The following NR2F6 variants were observed in gnomAD, a reference collection of about 807,000 sequenced individuals.
NR2F6 encodes ERBA-related gene-2.
In NR2F6, 16 loss-of-function variants were observed where a neutral mutation model predicts 26.5. The ratio of observed to expected loss-of-function variants is 0.60; its 90% CI spans 0.41 to 0.92. The LOEUF is 0.92. NR2F6 is among the 40% of genes least tolerant of loss of function. NR2F6 has a pLI of 0.00. For synonymous variants in NR2F6, 325 were observed against 305.0 expected (o/e 1.07, Z -0.68); for missense variants, 536 against 631.7 (o/e 0.85, Z 1.62).
At position 17,245,319 on chromosome 19, in the gene NR2F6, G is replaced by A. The variant is rs1404059975; in HGVS notation, c.-99C>T. On this transcript the variant is annotated 5_prime_UTR_variant, in exon 1 of 4. Coordinates refer to ENST00000291442, the MANE Select transcript of NR2F6 (RefSeq NM_005234.4). This position sits in a 1 kb window ranked among gnomAD's most constrained non-coding sequence, Gnocchi z 5.0. The stretch of plus-strand genomic sequence containing the variant: ...CCTACGCGGCGCGCATTCGGCCCCG[G>A]CGCGCGGGGGGCACGGGCTGCACCC... 2.9e-6 allele frequency: 3 copies of A among 1,044,766 alleles called. No individual in the cohort carries two copies. The highest frequency in any genetic ancestry group is 3.6e-6 in the Non-Finnish European group (3 of 835,836). 64.7% of individuals were successfully genotyped at this position (1,044,766 alleles called of 1,614,324 possible).
intron 2 of NR2F6, among the ~76,000 whole-genome samples, chr19:17,237,365 C>T (rs2073444728): frequency 1.3e-5 from 2 of 151,700 alleles, no homozygotes; most frequent in African/African-American, 4.8e-5. Context: ...TTTTTCCCTC[C>T]CTCCCTCCCT....
intron 2 of NR2F6, among the ~76,000 whole-genome samples, chr19:17,239,429 G>A (rs932342592): frequency 2.0e-5 from 3 of 152,252 alleles, no homozygotes; most frequent in East Asian, 1.9e-4. Context: ...GGCTGAGGCA[G>A]GCAGATCACG....
At position 17,245,129 on chromosome 19, in the gene NR2F6, T is replaced by G. The variant is rs2145570666; in HGVS notation, c.92A>C (p.Asp31Ala). 1 of 1,518,208 alleles carries G rather than the reference T, an allele frequency of 6.6e-7. No individual in the cohort carries two copies. Among genetic ancestry groups the G allele is most frequent in the Non-Finnish European group, 8.8e-7 (1 of 1,135,352 alleles). The allele number at this position is 1,518,208 out of a possible 1,614,324, so 94.0% of individuals were successfully genotyped here. Residue 31 changes from aspartate (D) to alanine (A), a missense_variant, in exon 1 of 4, where the codon GAC becomes GCC. Transcript: ENST00000291442. This position sits in a 1 kb window ranked among gnomAD's most constrained non-coding sequence, Gnocchi z 5.0. ...GGCGGCACCGGGGGGCGAGGCCGAG[T>G]CGTCCTCGGCCGCGCGCGGGTAGCC... is the stretch of plus-strand genomic sequence containing the variant. ...AGGYPRAAED[D>A]SASPPGAASD...
chr19:17,233,507 A>AT lies in NR2F6; in HGVS notation c.941-882dup, dbSNP rs1042353886. The stretch of plus-strand genomic sequence containing the variant: ...GCCTTTGGCAGGGAGACAGGTTCTA[A>AT]TTTTTTTTTCTTTAAGATAGAGTCT... On this transcript the variant is annotated intron_variant, in intron 3 of 3. Transcript: ENST00000291442. 4.6e-5 allele frequency among the ~76,000 whole-genome samples: 7 copies of AT among 151,372 alleles called. No individual in the cohort carries two copies. In the South Asian group the frequency reaches 8.4e-4, roughly 18 times the overall value.
At chr19:17,240,830 G>A in intron 1 of NR2F6, 65 bp from the exon 2 acceptor site, 1 of 1,531,614 alleles carries the variant, frequency 6.5e-7, no homozygotes, top group African/African-American at 1.4e-5. Flanking sequence ...ACCAGCCTAT[G>A]AGCCGCCTTT....
At chr19:17,241,634 G>A (rs1254005079) in intron 1 of NR2F6, among the ~76,000 whole-genome samples, 1 of 152,246 alleles carries the variant, frequency 6.6e-6, no homozygotes, top group Admixed American at 6.5e-5. Context: ...GCTCTCCAAG[G>A]CCTGGGCCTG....
chr19:17,237,412 T>C (rs79241796), intron 2 of NR2F6, among the ~76,000 whole-genome samples: 8 of 140,020 alleles, frequency 5.7e-5, no homozygotes, highest in Non-Finnish European at 9.4e-5. Flanking sequence ...TCTCTCTCCC[T>C]CTCTCTCTCT....
At chr19:17,242,978 C>G (rs1357499088) in intron 1 of NR2F6, among the ~76,000 whole-genome samples, 1 of 152,212 alleles carries the variant, frequency 6.6e-6, no homozygotes, top group Non-Finnish European at 1.5e-5. Flanking sequence ...GCTCACACAC[C>G]CTCTATGGCT....
rs1428417145 is a variant in NR2F6 at position 17,235,691 on chromosome 19, C to T, written c.748G>A (p.Ala250Thr). The T allele has an allele frequency of 6.7e-7, 1 of 1,490,622 alleles. No homozygotes were observed. The highest frequency in any genetic ancestry group is 8.8e-7 in the Non-Finnish European group (1 of 1,130,762). 92.3% of individuals were successfully genotyped at this position (1,490,622 alleles called of 1,614,324 possible). ...GGCGCCGTGTGCAGGGGCAGCGCCG[C>T]CTGCGCCGCGTTCAGCACGAAGAGC... is the stretch of plus-strand genomic sequence containing the variant. The part of the protein sequence containing the change: ...SELFVLNAAQ[A>T]ALPLHTAPLL... The change falls in exon 3 of 4, where the codon GCG becomes ACG. Residue 250 changes from alanine (A) to threonine (T), a missense_variant. Ala to Thr is a moderately conservative substitution (Grantham distance 58). Transcript: ENST00000291442. The surrounding 1 kb of genome is among the most constrained non-coding windows in gnomAD (Gnocchi z 5.0).
intron 1 of NR2F6, among the ~76,000 whole-genome samples, chr19:17,241,095 A>C (rs1270806603): frequency 6.6e-6 from 1 of 152,222 alleles, no homozygotes; most frequent in African/African-American, 2.4e-5. Flanking sequence ...AGCCAGAGCA[A>C]AAGGGTTGAA....
At chr19:17,232,839 C>A (rs2073415553) in intron 3 of NR2F6, among the ~76,000 whole-genome samples, 1 of 152,112 alleles carries the variant, frequency 6.6e-6, no homozygotes, top group African/African-American at 2.4e-5. Context: ...TAGTATGATC[C>A]CTTCTCTGCA....
At chr19:17,240,241 T>TAA (rs35217647) in intron 2 of NR2F6, among the ~76,000 whole-genome samples, 1 of 149,488 alleles carries the variant, frequency 6.7e-6, no homozygotes. Context: ...ACAAATCAAA[T>TAA]AAAAAAAAAA....
At chr19:17,240,797 G>C in intron 1 of NR2F6, 32 bp from the exon 2 acceptor site, 8 of 1,607,248 alleles carry the variant, frequency 5.0e-6, no homozygotes, top group Non-Finnish European at 6.8e-6. Context: ...GGCTCCCTGA[G>C]ACCCCCATAT....
At chr19:17,234,865 T>C (rs1394163460) in intron 3 of NR2F6, among the ~76,000 whole-genome samples, 2 of 151,376 alleles carry the variant, frequency 1.3e-5, no homozygotes, top group Non-Finnish European at 2.9e-5. Flanking sequence ...TCTCAAAAAA[T>C]GGAAATACAA....
chr19:17,234,202 G>A (rs1016333008), intron 3 of NR2F6, among the ~76,000 whole-genome samples: 9 of 147,482 alleles, frequency 6.1e-5, no homozygotes, highest in African/African-American at 1.3e-4. Context: ...CAGCCTGGGC[G>A]ACGGAGTAAG....
In NR2F6 at chr19:17,236,042, G is replaced by T; in HGVS notation, c.397C>A (p.His133Asn). ...GCGGCCACGGCACCAGGCAGCGAGTGCGGGATGCGGCCGCGCTGCACCGCT... is the reference window on the plus strand; with the variant it reads ...GCGGCCACGGCACCAGGCAGCGAGTTCGGGATGCGGCCGCGCTGCACCGCT... ...KEAVQRGRIPHSLPGAVAASS... is the reference protein window; with the variant it reads ...KEAVQRGRIPNSLPGAVAASS... The change falls in exon 3 of 4, where the codon CAC becomes AAC. Residue 133 changes from histidine (H) to asparagine (N), a missense_variant. His to Asn is a moderately conservative substitution (Grantham distance 68, BLOSUM62 1). Transcript: ENST00000291442. The T allele has an allele frequency of 7.4e-7, 1 of 1,351,584 alleles. No individual in the cohort carries two copies. The highest frequency in any genetic ancestry group is 3.1e-5 in the East Asian group (1 of 32,140). 83.7% of individuals were successfully genotyped at this position (1,351,584 alleles called of 1,614,324 possible). A position where few individuals can be genotyped will look rare whatever the true frequency, so the allele number is the denominator to read the frequency against.
intron 1 of NR2F6, among the ~76,000 whole-genome samples, chr19:17,241,793 TG>T (rs1568318144): frequency 7.3e-6 from 1 of 137,792 alleles, no homozygotes; most frequent in African/African-American, 2.8e-5. Flanking sequence ...CGGGGGAGGG[TG>T]GATCACCTGA....
intron 2 of NR2F6, among the ~76,000 whole-genome samples, chr19:17,237,393 T>TCCTCTCTCTCTCTCTC (rs765826283): frequency 6.7e-6 from 1 of 149,960 alleles, no homozygotes; most frequent in Non-Finnish European, 1.5e-5. Context: ...TTTCCTTTCT[T>TCCTCTCTCTCTCTCTC]CCTCTCTCTC....
Position 17,235,460 on chromosome 19 carries a change from G to GT in NR2F6, c.940+38dup, listed in dbSNP as rs1213034566. The GT allele has an allele frequency of 5.2e-6, 8 of 1,542,944 alleles. No homozygotes were observed. Among genetic ancestry groups the GT allele is most frequent in the Admixed American group, 1.9e-5 (1 of 51,866 alleles). ...CCGCCCTCCTCCTAACCTCCCTTGG[G>GT]TCCCCCCATCCCGCGGCCCTCTTCG... On this transcript the variant is annotated intron_variant, in intron 3 of 3. Coordinates refer to ENST00000291442, the MANE Select transcript of NR2F6 (RefSeq NM_005234.4). The surrounding 1 kb of genome is among the most constrained non-coding windows in gnomAD (Gnocchi z 5.0).
Sources: gnomAD v4.1 joint callset for allele counts (sites outside exome capture counted in the v4.1 genomes callset) on GRCh38, gnomAD v4.1.1 for gene constraint, Gnocchi (gnomAD v3.1) non-coding constraint, MANE v1.5 for transcripts, NCBI Gene and HGNC (gene_info 2026-07-23, HGNC 2026-07-21) for gene names.